CFAP77: variants seen among roughly 807,000 people sequenced by gnomAD.
The protein encoded by CFAP77 is cilia and flagella associated protein 77, also known as cilia- and flagella-associated protein 77.
A neutral mutation model predicts 31.1 loss-of-function variants in CFAP77; 25 were observed. That is an observed-to-expected ratio of 0.80 (90% CI 0.59 to 1.12). The LOEUF (loss-of-function observed/expected upper bound fraction) is 1.12. CFAP77 is among the 50% of genes most tolerant of loss of function. The probability of loss-of-function intolerance (pLI) is 0.00; values close to 1 mark genes in which losing one functional copy is unlikely to be tolerated. For synonymous variants in CFAP77, 151 were observed against 159.9 expected, an observed-to-expected ratio of 0.94 and a Z score of 0.42; for missense variants, 377 against 397.3, an observed-to-expected ratio of 0.95 and a Z score of 0.44.
intron 3 of CFAP77, among the ~76,000 whole-genome samples, chr9:132,514,234 AT>A (rs1296973620): frequency 6.8e-6 from 1 of 147,032 alleles, no homozygotes; most frequent in Non-Finnish European, 1.5e-5. Flanking sequence ...TCCCTGTGTT[AT>A]TGACCATGGT....
intron 1 of CFAP77, among the ~76,000 whole-genome samples, chr9:132,492,795 G>A (rs1401651628): frequency 6.6e-6 from 1 of 152,218 alleles, no homozygotes; most frequent in Non-Finnish European, 1.5e-5. Flanking sequence ...TGGGGCAGAT[G>A]AACTGGTAAT....
intron 1 of CFAP77, among the ~76,000 whole-genome samples, chr9:132,440,780 G>A (rs2131702174): frequency 6.6e-6 from 1 of 152,354 alleles, no homozygotes; most frequent in Non-Finnish European, 1.5e-5. Flanking sequence ...GAGGCTCAGA[G>A]AGGTGTAGGG....
intron 5 of CFAP77, among the ~76,000 whole-genome samples, chr9:132,571,583 C>T (rs1447306360): frequency 2.0e-5 from 3 of 152,158 alleles, no homozygotes; most frequent in Admixed American, 1.3e-4. Flanking sequence ...ATGCATTTCA[C>T]GAATTAACAG....
chr9:132,458,276 A>G (rs1468487588), intron 1 of CFAP77, among the ~76,000 whole-genome samples: 1 of 142,056 alleles, frequency 7.0e-6, no homozygotes, highest in Non-Finnish European at 1.5e-5. Flanking sequence ...AGTGCAGCTT[A>G]CGGTCGCAGC....
At chr9:132,500,678 C>A (rs77366055) in intron 3 of CFAP77, among the ~76,000 whole-genome samples, 1 of 152,162 alleles carries the variant, frequency 6.6e-6, no homozygotes, top group South Asian at 2.1e-4. Flanking sequence ...TGAGAAATAG[C>A]AGTTCTATTC....
At chr9:132,422,333 C>A (rs193190912) in intron 1 of CFAP77, among the ~76,000 whole-genome samples, 1 of 151,994 alleles carries the variant, frequency 6.6e-6, no homozygotes, top group East Asian at 2.0e-4. Context: ...CAAGGCCCTG[C>A]AGAAGACAGA....
At chr9:132,421,795 C>T (rs1399646571) in intron 1 of CFAP77, 1 of 152,278 alleles carries the variant, frequency 6.6e-6, no homozygotes, top group Non-Finnish European at 1.5e-5. Context: ...ACTGGCACCA[C>T]AGTGAGGAGT....
intron 3 of CFAP77, among the ~76,000 whole-genome samples, chr9:132,506,239 T>G (rs1378479175): frequency 6.6e-6 from 1 of 152,190 alleles, no homozygotes; most frequent in Non-Finnish European, 1.5e-5. Flanking sequence ...TACCAGCGTG[T>G]AAGGCCCTAA....
chr9:132,420,354 C>G (rs1850191363), intron 1 of CFAP77, among the ~76,000 whole-genome samples: 1 of 151,858 alleles, frequency 6.6e-6, no homozygotes, highest in South Asian at 2.1e-4. Flanking sequence ...GGCACATCAC[C>G]TGGAATGTGC....
chr9:132,482,188 T>C, intron 1 of CFAP77: 1 of 344,478 alleles, frequency 2.9e-6, no homozygotes, highest in Non-Finnish European at 5.2e-6. Context: ...TCTTTCTTTC[T>C]TTTTTTTTTT....
At chr9:132,558,820 C>T (rs1390297229) in intron 5 of CFAP77, among the ~76,000 whole-genome samples, 1 of 124,946 alleles carries the variant, frequency 8.0e-6, no homozygotes, top group Non-Finnish European at 1.7e-5. Flanking sequence ...CGAGACCAGC[C>T]TGACCAACGT....
At position 132,519,926 on chromosome 9, in the gene CFAP77, G is replaced by A. The variant is rs115978445; in HGVS notation, c.525-17675G>A. On this transcript the variant is annotated intron_variant, in intron 3 of 5. Coordinates refer to ENST00000393216, the MANE Select transcript of CFAP77 (RefSeq NM_001282957.2). The stretch of plus-strand genomic sequence containing the variant: ...TGGGTGGATGGGAGGATGGGTGGAT[G>A]GATGGATGAACGGGTGGGTGGATGG... Among the ~76,000 whole-genome samples the A allele has an allele frequency of 1.7e-3, 261 of 151,978 alleles. 1 individual carries two copies. Among genetic ancestry groups the A allele is most frequent in the African/African-American group, 5.9e-3 (246 of 41,438 alleles).
At chr9:132,550,347 C>T (rs2119080695) in intron 5 of CFAP77, among the ~76,000 whole-genome samples, 1 of 152,250 alleles carries the variant, frequency 6.6e-6, no homozygotes, top group African/African-American at 2.4e-5. Context: ...CTAGAGGCAG[C>T]AAGAGTCTCA....
In CFAP77 at chr9:132,455,775, C is replaced by T. The variant is rs758178723; in HGVS notation, c.196-42920C>T. The stretch of plus-strand genomic sequence containing the variant: ...AGCAAAACGAACCCCAAATGTCTCT[C>T]CACTCAGCTCCCAACAGGATGCAAT... On this transcript the variant is annotated intron_variant, in intron 1 of 5. Coordinates refer to ENST00000393216, the MANE Select transcript of CFAP77 (RefSeq NM_001282957.2). This position sits in a 1 kb window ranked among gnomAD's most constrained non-coding sequence, Gnocchi z 4.1. Among the ~76,000 whole-genome samples the T allele has an allele frequency of 1.3e-5, 2 of 152,016 alleles. No homozygotes were observed. The highest frequency in any genetic ancestry group is 2.4e-5 in the African/African-American group (1 of 41,398).
Position 132,455,194 on chromosome 9 carries a change from G to T in CFAP77, c.196-43501G>T, listed in dbSNP as rs1850890971. 6.6e-6 allele frequency among the ~76,000 whole-genome samples: 1 copy of T among 152,142 alleles called. No homozygotes were observed. Among genetic ancestry groups the T allele is most frequent in the Non-Finnish European group, 1.5e-5 (1 of 68,024 alleles). On this transcript the variant is annotated intron_variant, in intron 1 of 5. Coordinates refer to ENST00000393216, the MANE Select transcript of CFAP77 (RefSeq NM_001282957.2). The surrounding 1 kb of genome is among the most constrained non-coding windows in gnomAD (Gnocchi z 4.1). Reference sequence around the variant, plus strand: ...TCTGTCATTGCAGCAGAGCCCAGTAGTGTGGGGTTCTTACCTTAAAAAGTG... The same window carrying T: ...TCTGTCATTGCAGCAGAGCCCAGTATTGTGGGGTTCTTACCTTAAAAAGTG...
chr9:132,563,899 C>T (rs1176810851), intron 5 of CFAP77, among the ~76,000 whole-genome samples: 1 of 152,226 alleles, frequency 6.6e-6, no homozygotes, highest in Non-Finnish European at 1.5e-5. Context: ...GATTTCCCCT[C>T]TGGAAACCAC....
chr9:132,542,024 C>T (rs1852652560), intron 4 of CFAP77, among the ~76,000 whole-genome samples: 1 of 152,154 alleles, frequency 6.6e-6, no homozygotes, highest in South Asian at 2.1e-4. Context: ...GTTTGGAATC[C>T]CAATTTAAGA....
rs1049156589 is a variant in CFAP77 at position 132,513,556 on chromosome 9, G to A, written c.524+13956G>A. Reference sequence around the variant, plus strand: ...CCATAAATCATAGGGACTACTGAGCGGGGTCCTGTGCCCTGGAAGTCACTC... The same window carrying A: ...CCATAAATCATAGGGACTACTGAGCAGGGTCCTGTGCCCTGGAAGTCACTC... On this transcript the variant is annotated intron_variant, in intron 3 of 5. Transcript: ENST00000393216. The A allele has an allele frequency of 3.4e-5, 19 of 554,734 alleles. No individual in the cohort carries two copies. In the Admixed American group the frequency reaches 4.0e-4, roughly 12 times the overall value. 34.4% of individuals were successfully genotyped at this position (554,734 alleles called of 1,614,324 possible).
Position 132,501,705 on chromosome 9 carries a change from A to C in CFAP77, c.524+2105A>C, listed in dbSNP as rs549414054. Among the ~76,000 whole-genome samples the C allele has an allele frequency of 3.0e-4, 46 of 152,280 alleles. 1 individual carries two copies. The South Asian group carries it at 4.1e-3, about 14-fold the overall frequency. ...GGTGTGAGCCACTGCGCCCGGTTAC[A>C]TGACTATCTTCTACTCAGCCACTGT... On this transcript the variant is annotated intron_variant, in intron 3 of 5. Transcript: ENST00000393216. This position sits in a 1 kb window ranked among gnomAD's most constrained non-coding sequence, Gnocchi z 4.6.
Sources: gnomAD v4.1 joint callset for allele counts (sites outside exome capture counted in the v4.1 genomes callset) on GRCh38, gnomAD v4.1.1 for gene constraint, Gnocchi (gnomAD v3.1) non-coding constraint, MANE v1.5 for transcripts, NCBI Gene and HGNC (gene_info 2026-07-23, HGNC 2026-07-21) for gene names.